Variants in FHOD3 observed in about 807,000 individuals in gnomAD.
FHOD3 encodes the protein FH1/FH2 domain-containing protein 3.
FHOD3 carries 90 observed loss-of-function variants against 173.0 expected under a neutral mutation model. That is an observed-to-expected ratio of 0.52 (90% confidence interval 0.44 to 0.62). FHOD3 has a LOEUF of 0.62. Ranked by LOEUF, FHOD3 falls within the 20% of genes least tolerant of loss-of-function variation. FHOD3 has a pLI of 0.00. For synonymous variants in FHOD3, 828 were observed against 823.0 expected, an observed-to-expected ratio of 1.01 and a Z score of -0.10; for missense variants, 1,945 against 2,034.7, an observed-to-expected ratio of 0.96 and a Z score of 0.85.
rs539269683 is a variant in FHOD3, at chr18:36,592,881, A to G, written c.607-1906A>G. Among the ~76,000 whole-genome samples the G allele has an allele frequency of 3.9e-5, 6 of 152,316 alleles. No individual in the cohort carries two copies. The East Asian group carries it at 1.2e-3, about 29-fold the overall frequency. On this transcript the variant is annotated intron_variant, in intron 6 of 28. Coordinates refer to ENST00000590592, the MANE Select transcript of FHOD3 (RefSeq NM_001281740.3). ...ATCTGAGTGGAGATGTCAGGAGATT[A>G]TATGATGCCTGCTCAGGAGTTTGGT...
chr18:36,509,789 TCAAC>T (rs1459336529), intron 4 of FHOD3, among the ~76,000 whole-genome samples: 1 of 152,216 alleles, frequency 6.6e-6, no homozygotes, highest in Non-Finnish European at 1.5e-5. Flanking sequence ...GTAGATCACT[TCAAC>T]CAAGTTCACT....
At chr18:36,617,294 T>G (rs1049674798) in intron 9 of FHOD3, among the ~76,000 whole-genome samples, 2 of 152,234 alleles carry the variant, frequency 1.3e-5, no homozygotes, top group East Asian at 3.8e-4. Context: ...AGCCAGATGC[T>G]TTAGCTCCTT....
chr18:36,573,870 A>G (rs116814143), intron 5 of FHOD3, among the ~76,000 whole-genome samples: 3,067 of 152,236 alleles, frequency 0.02, 120 homozygotes, highest in African/African-American at 0.07. Context: ...TTAAACTTAG[A>G]GCTATTTCCT....
rs540369263 is a variant in FHOD3 at position 36,298,148 on chromosome 18, C to A, written c.165+148C>A. 8.6e-6 allele frequency: 6 copies of A among 693,812 alleles called. No homozygotes were observed. The African/African-American group carries it at 9.6e-5, about 11-fold the overall frequency. 43.0% of individuals were successfully genotyped at this position (693,812 alleles called of 1,614,324 possible). A position where few individuals can be genotyped will look rare whatever the true frequency, so the allele number is the denominator to read the frequency against. On this transcript the variant is annotated intron_variant, in intron 1 of 28. Transcript: ENST00000590592. ...TCGCTCGAGGGCAAATCCCCCTCCC[C>A]GTTAGACAGAAGGGCTCGAGGCACC...
rs1327053326 is a variant in FHOD3, at chr18:36,512,989, T to C, written c.511+446T>C. Among the ~76,000 whole-genome samples the C allele has an allele frequency of 2.6e-5, 4 of 152,340 alleles. No individual in the cohort carries two copies. The East Asian group carries it at 7.7e-4, about 29-fold the overall frequency. On this transcript the variant is annotated intron_variant, in intron 5 of 28. Coordinates refer to ENST00000590592, the MANE Select transcript of FHOD3 (RefSeq NM_001281740.3). ...GTCAAAGTGCATATTTTTCACCTTG[T>C]CTTCCTGTTTCTGATTCGATAGTTT...
intron 19 of FHOD3, among the ~76,000 whole-genome samples, chr18:36,726,800 G>A (rs184062198): frequency 1.1e-4 from 16 of 152,078 alleles, no homozygotes; most frequent in African/African-American, 3.9e-4. Flanking sequence ...TCAGCCTCCC[G>A]AGTAGCTGGG....
intron 3 of FHOD3, among the ~76,000 whole-genome samples, chr18:36,426,553 G>A: frequency 6.6e-6 from 1 of 152,166 alleles, no homozygotes; most frequent in East Asian, 1.9e-4. Flanking sequence ...TGCCTTGTGT[G>A]GTGGGCTCCC....
chr18:36,544,502 C>T (rs1273104577), intron 5 of FHOD3: 2 of 152,336 alleles, frequency 1.3e-5, no homozygotes, highest in Non-Finnish European at 2.9e-5. Context: ...TGTGAGGTGC[C>T]TGGGCACGTG....
chr18:36,541,249 CAAAAAA>C (rs770104487), intron 5 of FHOD3, among the ~76,000 whole-genome samples: 244 of 40,318 alleles, frequency 6.1e-3, no homozygotes, highest in African/African-American at 0.02. Context: ...GACTCTGTCT[CAAAAAA>C]AAAAAAAAAA....
At chr18:36,775,372 AG>A (rs1373556460) in intron 28 of FHOD3, among the ~76,000 whole-genome samples, 1 of 152,258 alleles carries the variant, frequency 6.6e-6, no homozygotes, top group Non-Finnish European at 1.5e-5. Flanking sequence ...AAAGATGGTC[AG>A]GAACTGTCCT....
At chr18:36,323,211 C>T (rs566984236) in intron 1 of FHOD3, among the ~76,000 whole-genome samples, 1 of 152,260 alleles carries the variant, frequency 6.6e-6, no homozygotes, top group Admixed American at 6.5e-5. Context: ...TATGTCAGGG[C>T]TGGGAGTCTC....
chr18:36,643,801 C>T (rs1205571567), intron 10 of FHOD3, among the ~76,000 whole-genome samples: 1 of 152,072 alleles, frequency 6.6e-6, no homozygotes, highest in Admixed American at 6.5e-5. Flanking sequence ...TTCATATATT[C>T]TTGATTTGAG....
At chr18:36,638,491 C>T (rs1021437148) in intron 10 of FHOD3, among the ~76,000 whole-genome samples, 1 of 152,182 alleles carries the variant, frequency 6.6e-6, no homozygotes, top group Non-Finnish European at 1.5e-5. Context: ...GAAAAGCTGC[C>T]TATCTGCCTG....
At chr18:36,682,449 C>T (rs2038314649) in intron 15 of FHOD3, among the ~76,000 whole-genome samples, 1 of 152,080 alleles carries the variant, frequency 6.6e-6, no homozygotes, top group Non-Finnish European at 1.5e-5. Flanking sequence ...TTTTTCTCCC[C>T]ATCTCTACCT....
At position 36,649,493 on chromosome 18, in the gene FHOD3, C is replaced by T. The variant is rs2035909799; in HGVS notation, c.1286+88C>T. On this transcript the variant is annotated intron_variant, in intron 11 of 28. Coordinates refer to ENST00000590592, the MANE Select transcript of FHOD3 (RefSeq NM_001281740.3). ...TTCACTGCCTTCTAGTGGCCACCTC[C>T]CTTCCTCATTGACTCCCACTTGCAA... The T allele has an allele frequency of 1.2e-5, 12 of 987,932 alleles. 1 individual carries two copies. In the South Asian group the frequency reaches 1.6e-4, roughly 13 times the overall value. The allele number at this position is 987,932 out of a possible 1,614,324, so 61.2% of individuals were successfully genotyped here. A position where few individuals can be genotyped will look rare whatever the true frequency, so the allele number is the denominator to read the frequency against.
chr18:36,320,471 C>T (rs2044339273), intron 1 of FHOD3, among the ~76,000 whole-genome samples: 1 of 152,174 alleles, frequency 6.6e-6, no homozygotes, highest in Non-Finnish European at 1.5e-5. Flanking sequence ...ATAACAGGCT[C>T]TGAAATTGAG....
At chr18:36,320,960 G>A (rs28575077) in intron 1 of FHOD3, among the ~76,000 whole-genome samples, 1 of 152,108 alleles carries the variant, frequency 6.6e-6, no homozygotes, top group Admixed American at 6.5e-5. Context: ...TATGTGCTGT[G>A]TTGGGAGGTA....
rs975564281 is a variant in FHOD3, at chr18:36,311,480, T to C, written c.165+13480T>C. Among the ~76,000 whole-genome samples the C allele has an allele frequency of 2.0e-5, 3 of 152,266 alleles. 1 individual carries two copies. The highest frequency in any genetic ancestry group is 1.3e-4 in the Admixed American group (2 of 15,296). ...CCTGAGCTCCGTGTTTCTAATGAAATCTTCGGACAGTAGCACCTCCCTCAT... is the reference window on the plus strand; with the variant it reads ...CCTGAGCTCCGTGTTTCTAATGAAACCTTCGGACAGTAGCACCTCCCTCAT... On this transcript the variant is annotated intron_variant, in intron 1 of 28. Transcript: ENST00000590592.
At chr18:36,655,166 G>A (rs1272431558) in intron 13 of FHOD3, among the ~76,000 whole-genome samples, 1 of 148,410 alleles carries the variant, frequency 6.7e-6, no homozygotes, top group Non-Finnish European at 1.5e-5. Flanking sequence ...TTCCAGGATT[G>A]TTGTTATCTT....
Sources: gnomAD v4.1 joint callset for allele counts (sites outside exome capture counted in the v4.1 genomes callset) on GRCh38, gnomAD v4.1.1 for gene constraint, MANE v1.5 for transcripts, NCBI Gene and HGNC (gene_info 2026-07-23, HGNC 2026-07-21) for gene names.